The following AUTS2 variants were observed in gnomAD, a reference collection of about 807,000 sequenced individuals.
AUTS2 encodes activator of transcription and developmental regulator AUTS2.
A neutral mutation model predicts 112.4 loss-of-function variants in AUTS2; 17 were observed. The observed-to-expected ratio is 0.15, with a 90% confidence interval of 0.10 to 0.23. The LOEUF (loss-of-function observed/expected upper bound fraction) is 0.23. Ranked by LOEUF, AUTS2 falls within the 10% of genes least tolerant of loss-of-function variation. The pLI is 1.00. For missense variants in AUTS2, 1,510 were observed against 1,701.6 expected (o/e 0.89, Z 1.98); for synonymous variants, 751 against 702.7 (o/e 1.07, Z -1.09).
At chr7:69,850,398 CAAAAAAAAAAAAAAAAAAAAAA>C (rs60553891) in intron 1 of AUTS2, among the ~76,000 whole-genome samples, 74 of 34,684 alleles carry the variant, frequency 2.1e-3, no homozygotes, top group African/African-American at 5.3e-3. Context: ...AACTCTGTCT[CAAAAAAAAAAAAAAAAAAAAAA>C]AAAAAAAAAA....
At position 70,789,961 on chromosome 7, in the gene AUTS2, C is replaced by T. The variant is rs1231148938; in HGVS notation, c.2745C>T (p.His915=). 6.2e-7 allele frequency: 1 copy of T among 1,613,490 alleles called. No homozygotes were observed. Among genetic ancestry groups the T allele is most frequent in the Admixed American group, 1.7e-5 (1 of 59,994 alleles). Residue 915 remains histidine (H), a synonymous_variant, in exon 19 of 19, where the codon CAC becomes CAT. Transcript: ENST00000342771. The part of the protein sequence containing the change: ...AADEHKAKEG[H]LPEKDGHGHE... ...ACGAGCACAAGGCGAAAGAGGGCCA[C>T]CTGCCCGAGAAGGACGGGCACGGCC...
chr7:70,781,848 G>GTCACCACC (rs1352085941), intron 15 of AUTS2, 92 bp downstream of exon 15: 21 of 1,495,476 alleles, frequency 1.4e-5, no homozygotes, highest in African/African-American at 2.8e-5. Context: ...CTGCCGCTCA[G>GTCACCACC]TCACCACCTA....
intron 2 of AUTS2, among the ~76,000 whole-genome samples, chr7:69,987,941 A>G (rs1798580165): frequency 6.6e-6 from 1 of 152,158 alleles, no homozygotes. Context: ...AACCAAAATG[A>G]CTACTAAGAG....
At chr7:69,713,198 A>G (rs1318286210) in intron 1 of AUTS2, among the ~76,000 whole-genome samples, 1 of 152,200 alleles carries the variant, frequency 6.6e-6, no homozygotes, top group South Asian at 2.1e-4. Flanking sequence ...GGTATTTAGC[A>G]TATCTACCAC....
chr7:69,824,358 G>A (rs907342366), intron 1 of AUTS2, among the ~76,000 whole-genome samples: 33 of 151,644 alleles, frequency 2.2e-4, no homozygotes, highest in African/African-American at 7.5e-4. Flanking sequence ...GCAGTGAGCC[G>A]AGATCGCGCC....
At position 70,756,036 on chromosome 7, in the gene AUTS2, C is replaced by T. The variant is rs1052145828; in HGVS notation, c.743-6834C>T. ...CCTCCTCAATTTTGAAAGTTAAAAG[C>T]ACAATATGAGAATTAAAGTCAATGT... On this transcript the variant is annotated intron_variant, in intron 6 of 18. Transcript: ENST00000342771. Among the ~76,000 whole-genome samples, 10 of 152,094 alleles carry T rather than the reference C, an allele frequency of 6.6e-5. 1 individual carries two copies. Among genetic ancestry groups the T allele is most frequent in the Admixed American group, 5.2e-4 (8 of 15,274 alleles).
intron 2 of AUTS2, among the ~76,000 whole-genome samples, chr7:70,097,371 G>A (rs1804260313): frequency 6.6e-6 from 1 of 152,066 alleles, no homozygotes; most frequent in African/African-American, 2.4e-5. Context: ...TTTTCTTAAG[G>A]TTCTCTCCCT....
At chr7:69,695,264 G>A (rs1011522379) in intron 1 of AUTS2, among the ~76,000 whole-genome samples, 2 of 152,126 alleles carry the variant, frequency 1.3e-5, no homozygotes, top group East Asian at 3.8e-4. Flanking sequence ...CAGAGATCAA[G>A]GCCGCCGTGA....
intron 2 of AUTS2, among the ~76,000 whole-genome samples, chr7:69,982,625 G>A (rs542983904): frequency 2.1e-4 from 32 of 152,250 alleles, no homozygotes; most frequent in Admixed American, 7.2e-4. Context: ...GTGCGTTTGC[G>A]TTTATACGGC....
intron 5 of AUTS2, among the ~76,000 whole-genome samples, chr7:70,671,663 C>CG (rs1179714557): frequency 6.6e-6 from 1 of 152,130 alleles, no homozygotes; most frequent in Non-Finnish European, 1.5e-5. Flanking sequence ...TAATAACCCC[C>CG]CCTATGAATG....
intron 4 of AUTS2, among the ~76,000 whole-genome samples, chr7:70,410,851 G>GTTATTA (rs138979707): frequency 6.1e-4 from 91 of 148,202 alleles, no homozygotes; most frequent in Middle Eastern, 3.6e-3. Flanking sequence ...TATTATTATT[G>GTTATTA]TTATTATTAT....
At chr7:69,909,437 GT>G in intron 2 of AUTS2, among the ~76,000 whole-genome samples, 1 of 152,062 alleles carries the variant, frequency 6.6e-6, no homozygotes, top group Admixed American at 6.5e-5. Context: ...CTAATTTCTT[GT>G]TTTTTCCCAT....
Position 70,630,677 on chromosome 7 carries a change from A to G in AUTS2, c.691-67892A>G, listed in dbSNP as rs181813165. On this transcript the variant is annotated intron_variant, in intron 5 of 18. Transcript: ENST00000342771. The stretch of plus-strand genomic sequence containing the variant: ...AGAATATATCCAAGGGTGGGGAATC[A>G]TTGTTCTCGGAACTAGCTGAGCTGA... 2.1e-3 allele frequency among the ~76,000 whole-genome samples: 315 copies of G among 152,298 alleles called. 1 individual carries two copies. Among genetic ancestry groups the G allele is most frequent in the Non-Finnish European group, 1.6e-3 (110 of 68,040 alleles).
intron 4 of AUTS2, among the ~76,000 whole-genome samples, chr7:70,254,021 A>AT (rs1171636258): frequency 6.6e-6 from 1 of 152,026 alleles, no homozygotes; most frequent in South Asian, 2.1e-4. Flanking sequence ...CAAAAACTAA[A>AT]TTTTTTTTCT....
intron 2 of AUTS2, among the ~76,000 whole-genome samples, chr7:70,048,175 C>T (rs1465014238): frequency 6.6e-6 from 1 of 152,170 alleles, no homozygotes; most frequent in Non-Finnish European, 1.5e-5. Flanking sequence ...TTGTTAGTCT[C>T]CTTTACAAAA....
At chr7:69,980,211 C>G (rs1057315565) in intron 2 of AUTS2, among the ~76,000 whole-genome samples, 7 of 152,102 alleles carry the variant, frequency 4.6e-5, no homozygotes, top group African/African-American at 1.7e-4. Context: ...GCCTCCTGAG[C>G]AGCTGGGATT....
At chr7:69,614,368 T>TTTCTTTCTTTTCTTTCTTTTCTTTC in intron 1 of AUTS2, among the ~76,000 whole-genome samples, 69 of 19,374 alleles carry the variant, frequency 3.6e-3, no homozygotes, top group African/African-American at 5.6e-3. Context: ...TTCTTTCTTT[T>TTTCTTTCTTTTCTTTCTTTTCTTTC]TTTAAGAGAT....
At chr7:69,618,899 G>T (rs983323815) in intron 1 of AUTS2, among the ~76,000 whole-genome samples, 1 of 152,066 alleles carries the variant, frequency 6.6e-6, no homozygotes, top group African/African-American at 2.4e-5. Flanking sequence ...ATACCCTGGG[G>T]ATACCCTGGG....
chr7:70,149,603 A>G (rs1450408148), intron 4 of AUTS2, among the ~76,000 whole-genome samples: 1 of 152,070 alleles, frequency 6.6e-6, no homozygotes, highest in African/African-American at 2.4e-5. Context: ...TAAATTGACA[A>G]CAATGAACAC....
Sources: allele counts gnomAD v4.1 joint callset (sites outside exome capture counted in the v4.1 genomes callset), GRCh38; gene constraint gnomAD v4.1.1; transcripts MANE v1.5; gene names NCBI Gene and HGNC (gene_info 2026-07-23, HGNC 2026-07-21).